The following ABCC5 variants were observed in gnomAD, a reference collection of about 807,000 sequenced individuals.
ABCC5 encodes the protein ATP-binding cassette sub-family C member 5.
ABCC5 carries 61 observed loss-of-function variants against 160.9 expected under a neutral mutation model. The ratio of observed to expected loss-of-function variants is 0.38; its 90% CI spans 0.31 to 0.47. The LOEUF (loss-of-function observed/expected upper bound fraction) is 0.47. Among genes scored for constraint, ABCC5 ranks in the 20% least tolerant of loss-of-function variants. ABCC5 has a pLI of 0.99. For missense variants in ABCC5, 1,308 were observed against 1,813.3 expected, an observed-to-expected ratio of 0.72 and a Z score of 5.06; for synonymous variants, 666 against 700.6, an observed-to-expected ratio of 0.95 and a Z score of 0.78.
In ABCC5 at chr3:183,937,886, T is replaced by C. The variant is rs754502673; in HGVS notation, c.3854+15A>G. On this transcript the variant is annotated intron_variant, in intron 26 of 29. Coordinates refer to ENST00000334444, the MANE Select transcript of ABCC5 (RefSeq NM_005688.4). ...CTAAGTGACGCACGAGACATGCAGG[T>C]GCTCAGGTCCTCACCTGACAGTGCC... is the stretch of plus-strand genomic sequence containing the variant. 6 of 1,613,298 alleles carry C rather than the reference T, an allele frequency of 3.7e-6. No homozygotes were observed. The Admixed American group carries it at 8.3e-5, about 22-fold the overall frequency.
In ABCC5 at chr3:183,951,646, C is replaced by A; in HGVS notation, c.2815-76G>T. The A allele has an allele frequency of 1.3e-6, 2 of 1,562,932 alleles. No homozygotes were observed. The highest frequency in any genetic ancestry group is 1.7e-6 in the Non-Finnish European group (2 of 1,153,210). ...ACTGGTCCAGAGAACCGCTCCGCAGCACATCCACTCCCAAAGCGGGGAGGT... is the reference window on the plus strand; with the variant it reads ...ACTGGTCCAGAGAACCGCTCCGCAGAACATCCACTCCCAAAGCGGGGAGGT... On this transcript the variant is annotated intron_variant, in intron 19 of 29. Transcript: ENST00000334444. This position sits in a 1 kb window ranked among gnomAD's most constrained non-coding sequence, Gnocchi z 4.7.
chr3:183,956,901 A>G (rs1262995578), intron 17 of ABCC5, among the ~76,000 whole-genome samples: 3 of 121,892 alleles, frequency 2.5e-5, no homozygotes, highest in Non-Finnish European at 3.4e-5. Flanking sequence ...TGTATATCAT[A>G]TAGGTTACAT....
At chr3:183,954,363 G>A (rs976360662) in intron 17 of ABCC5, among the ~76,000 whole-genome samples, 1 of 152,154 alleles carries the variant, frequency 6.6e-6, no homozygotes, top group African/African-American at 2.4e-5. Flanking sequence ...TGGCCAGGCT[G>A]GTCTCGAACT....
At chr3:183,970,209 T>C (rs1717608832) in intron 11 of ABCC5, among the ~76,000 whole-genome samples, 2 of 152,200 alleles carry the variant, frequency 1.3e-5, no homozygotes, top group Admixed American at 1.3e-4. Context: ...CTCTCTCCCA[T>C]GCTCATTCCA....
chr3:183,956,534 CAGTGTGTATAT>C lies in ABCC5; in HGVS notation c.2482+3188_2482+3198del, dbSNP rs1464698983. On this transcript the variant is annotated intron_variant, in intron 17 of 29. Transcript: ENST00000334444. ...TATATCACATCGGTTACATGCAGAT[CAGTGTGTATAT>C]CACATCGGTTACATGCAGATCAGTG... is the stretch of plus-strand genomic sequence containing the variant. Among the ~76,000 whole-genome samples, 42 of 139,770 alleles carry C rather than the reference CAGTGTGTATAT, an allele frequency of 3.0e-4. 1 individual carries two copies. In the South Asian group the frequency reaches 3.1e-3, roughly 10 times the overall value. 91.7% of individuals were successfully genotyped at this position (139,770 alleles called of 152,430 possible).
At position 183,925,839 on chromosome 3, in the gene ABCC5, TC is replaced by T. The variant is rs1184553859; in HGVS notation, c.4048-121del. On this transcript the variant is annotated intron_variant, in intron 28 of 29. Transcript: ENST00000334444. ...ACACTATCTATTGTTTTCTTTTCTT[TC>T]TTTTTTTTTTTTTTTTGAGACGGAG... 240 of 1,038,124 alleles carry T rather than the reference TC, an allele frequency of 2.3e-4. No individual in the cohort carries two copies. The Middle Eastern group carries it at 5.6e-3, about 24-fold the overall frequency. 64.3% of individuals were successfully genotyped at this position (1,038,124 alleles called of 1,614,324 possible).
chr3:183,985,483 G>A (rs773656407), intron 5 of ABCC5: 7 of 963,504 alleles, frequency 7.3e-6, no homozygotes, highest in Non-Finnish European at 1.2e-5. Flanking sequence ...TTGGAAGGGT[G>A]GGAAACTTAC....
intron 2 of ABCC5, chr3:184,006,406 C>T (rs950653362): frequency 6.6e-6 from 1 of 151,964 alleles, no homozygotes; most frequent in East Asian, 1.9e-4. Context: ...TGCAGAGCTG[C>T]AAAATGCTAA....
At position 183,987,985 on chromosome 3, in the gene ABCC5, C is replaced by T. The variant is rs2108866373; in HGVS notation, c.444-68G>A. On this transcript the variant is annotated intron_variant, in intron 4 of 29. Coordinates refer to ENST00000334444, the MANE Select transcript of ABCC5 (RefSeq NM_005688.4). The surrounding 1 kb of genome is among the most constrained non-coding windows in gnomAD (Gnocchi z 4.2). ...AAAGGCACACCTAGCTCCCCGCCTG[C>T]CACCACTTTTTGTCTCCAGGTTTTG... The T allele has an allele frequency of 6.4e-7, 1 of 1,563,592 alleles. No individual in the cohort carries two copies. The highest frequency in any genetic ancestry group is 8.7e-7 in the Non-Finnish European group (1 of 1,150,424).
intron 2 of ABCC5, among the ~76,000 whole-genome samples, chr3:184,008,721 G>C (rs1721440895): frequency 6.6e-6 from 1 of 152,240 alleles, no homozygotes; most frequent in Non-Finnish European, 1.5e-5. Context: ...TCACAATACT[G>C]AGAAATGGGC....
intron 5 of ABCC5, among the ~76,000 whole-genome samples, chr3:183,983,216 C>T (rs961805127): frequency 6.6e-6 from 1 of 152,226 alleles, no homozygotes; most frequent in Non-Finnish European, 1.5e-5. Flanking sequence ...TGCAAACTTT[C>T]TTCCTTACAG....
intron 2 of ABCC5, among the ~76,000 whole-genome samples, chr3:184,007,482 T>G (rs1226948892): frequency 2.6e-5 from 4 of 152,180 alleles, no homozygotes; most frequent in Non-Finnish European, 5.9e-5. Flanking sequence ...TGCTTTTGCT[T>G]AAATATTAAT....
chr3:183,977,745 C>A, intron 9 of ABCC5, 121 bp from the exon 10 acceptor site: 1 of 644,930 alleles, frequency 1.6e-6, no homozygotes. Context: ...GCTGTTATTA[C>A]AAGTCAATTA....
chr3:184,009,797 TA>T (rs1299388546), intron 2 of ABCC5: 2 of 220,666 alleles, frequency 9.1e-6, no homozygotes, highest in African/African-American at 4.6e-5. Flanking sequence ...AGAAATCTTT[TA>T]AAAAAGTTCA....
At chr3:183,983,105 CAG>C (rs1718892980) in intron 5 of ABCC5, 98 bp from the exon 6 acceptor site, 4 of 1,171,760 alleles carry the variant, frequency 3.4e-6, no homozygotes, top group Admixed American at 3.9e-5. Context: ...CAGCTCCACT[CAG>C]GGACCAGTGC....
In ABCC5 at chr3:183,988,724, G is replaced by A; in HGVS notation, c.291C>T (p.His97=). Reference sequence around the variant, plus strand: ...GCCCAGCATTGTCCACTGGGTGCTGGTGTCTAAGGAGAGAAAACCGAAATC... The same window carrying A: ...GCCCAGCATTGTCCACTGGGTGCTGATGTCTAAGGAGAGAAAACCGAAATC... ...ALKPIRTTSK[H]QHPVDNAGLF... Residue 97 remains histidine, a synonymous_variant, in exon 4 of 30, where the codon CAC becomes CAT. Coordinates refer to ENST00000334444, the MANE Select transcript of ABCC5 (RefSeq NM_005688.4). This position sits in a 1 kb window ranked among gnomAD's most constrained non-coding sequence, Gnocchi z 4.4. 2 of 1,612,094 alleles carry A rather than the reference G, an allele frequency of 1.2e-6. No homozygotes were observed. The highest frequency in any genetic ancestry group is 1.7e-6 in the Non-Finnish European group (2 of 1,179,488).
At chr3:183,955,364 T>C (rs984192410) in intron 17 of ABCC5, among the ~76,000 whole-genome samples, 8 of 152,318 alleles carry the variant, frequency 5.3e-5, no homozygotes, top group African/African-American at 1.4e-4. Context: ...TCTATATAAA[T>C]GTTAATGCTC....
chr3:183,968,872 G>C (rs1355971837), intron 11 of ABCC5, among the ~76,000 whole-genome samples: 2 of 152,184 alleles, frequency 1.3e-5, no homozygotes, highest in East Asian at 1.9e-4. Flanking sequence ...ACCTAATACT[G>C]TGTCTGTCTC....
rs1016020329 is a variant in ABCC5, at chr3:183,937,820, G to A, written c.3854+81C>T. 1.5e-5 allele frequency: 22 copies of A among 1,470,362 alleles called. No individual in the cohort carries two copies. In the African/African-American group the frequency reaches 2.9e-4, roughly 20 times the overall value. 91.1% of individuals were successfully genotyped at this position (1,470,362 alleles called of 1,614,324 possible). Reference sequence around the variant, plus strand: ...GATGGTGAGCTCATGGTCCCAGGGGGCGGTGCTAGCATCATGTGGTCCCAC... The same window carrying A: ...GATGGTGAGCTCATGGTCCCAGGGGACGGTGCTAGCATCATGTGGTCCCAC... On this transcript the variant is annotated intron_variant, in intron 26 of 29. Transcript: ENST00000334444.
Sources: allele counts gnomAD v4.1 joint callset (sites outside exome capture counted in the v4.1 genomes callset), GRCh38; gene constraint gnomAD v4.1.1; non-coding constraint Gnocchi (gnomAD v3.1); transcripts MANE v1.5; gene names NCBI Gene and HGNC (gene_info 2026-07-23, HGNC 2026-07-21).